KIAA1217: variants seen among roughly 807,000 people sequenced by gnomAD.
KIAA1217 encodes sickle tail protein homolog.
Under a neutral mutation model 163.9 loss-of-function variants are expected in KIAA1217, and 88 were observed. The observed-to-expected ratio is 0.54, with a 90% CI of 0.45 to 0.64. The LOEUF (loss-of-function observed/expected upper bound fraction) is 0.64, where lower values mean the gene tolerates loss of function less well. Ranked by LOEUF, KIAA1217 falls within the 30% of genes least tolerant of loss-of-function variation. The probability of loss-of-function intolerance (pLI) is 0.00; values close to 1 mark genes in which losing one functional copy is unlikely to be tolerated. For synonymous variants in KIAA1217, 903 were observed against 923.1 expected, an observed-to-expected ratio of 0.98 and a Z score of 0.39; for missense variants, 2,372 against 2,475.0, an observed-to-expected ratio of 0.96 and a Z score of 0.88.
chr10:23,860,279 T>C (rs1839891816), intron 1 of KIAA1217, among the ~76,000 whole-genome samples: 1 of 152,040 alleles, frequency 6.6e-6, no homozygotes. Flanking sequence ...CTGACCTTAA[T>C]GGCAAAATCT....
intron 2 of KIAA1217, among the ~76,000 whole-genome samples, chr10:24,294,153 A>G (rs376745872): frequency 8.1e-6 from 1 of 123,678 alleles, no homozygotes. Context: ...GCGCCACTGC[A>G]CTCCAGCCTG....
At chr10:24,309,543 G>A (rs547340740) in intron 2 of KIAA1217, among the ~76,000 whole-genome samples, 5 of 151,994 alleles carry the variant, frequency 3.3e-5, no homozygotes, top group African/African-American at 9.7e-5. Flanking sequence ...AACCCTCTGC[G>A]TCATACCCTT....
intron 2 of KIAA1217, among the ~76,000 whole-genome samples, chr10:24,074,703 C>CTTTTTT (rs35168053): frequency 3.0e-5 from 3 of 99,480 alleles, no homozygotes; most frequent in Admixed American, 1.1e-4. Flanking sequence ...TCTTCTTCTT[C>CTTTTTT]TTTTTTTTTT....
chr10:24,387,540 G>T (rs74482058), intron 3 of KIAA1217, among the ~76,000 whole-genome samples: 2,397 of 152,282 alleles, frequency 0.016, 41 homozygotes, highest in Non-Finnish European at 0.025. Context: ...CATAGTGTTG[G>T]AAGTTCTGGC....
rs529639146 is a variant in KIAA1217, at chr10:24,425,769, A to G, written c.554-7226A>G. On this transcript the variant is annotated intron_variant, in intron 3 of 20. Transcript: ENST00000376454. ...AAGTTGAATTAGTGCTTCAAACCAC[A>G]TGTGTACTTTGGGGGCTTTTGATAC... Among the ~76,000 whole-genome samples the G allele has an allele frequency of 5.3e-4, 80 of 152,310 alleles. 3 individuals are homozygous for G. The South Asian group carries it at 0.016, about 30-fold the overall frequency.
At chr10:24,354,937 T>G (rs2014306) in intron 2 of KIAA1217, among the ~76,000 whole-genome samples, 58,728 of 152,140 alleles carry the variant, frequency 0.39, 12,211 homozygotes, top group Middle Eastern at 0.46. Flanking sequence ...CACCCTCTTC[T>G]ACCCAGTATT....
intron 1 of KIAA1217, among the ~76,000 whole-genome samples, chr10:23,761,632 T>C (rs562604142): frequency 6.6e-6 from 1 of 152,322 alleles, no homozygotes; most frequent in East Asian, 1.9e-4. Context: ...TTTGTTATGA[T>C]TTCACTTCTT....
intron 3 of KIAA1217, among the ~76,000 whole-genome samples, chr10:24,392,602 G>A (rs2055131329): frequency 6.6e-6 from 1 of 152,178 alleles, no homozygotes; most frequent in South Asian, 2.1e-4. Context: ...CATTGTTGAA[G>A]ACTTGAATGG....
At chr10:23,876,279 TG>T (rs1840689962) in intron 1 of KIAA1217, among the ~76,000 whole-genome samples, 1 of 151,656 alleles carries the variant, frequency 6.6e-6, no homozygotes, top group Non-Finnish European at 1.5e-5. Flanking sequence ...AGCACAACAC[TG>T]GGTACTCATA....
At chr10:24,454,321 G>A (rs2061607908) in intron 5 of KIAA1217, among the ~76,000 whole-genome samples, 1 of 152,262 alleles carries the variant, frequency 6.6e-6, no homozygotes, top group South Asian at 2.1e-4. Context: ...CCATATTCCT[G>A]AAACAGAAAA....
At chr10:24,007,177 C>G (rs1410510561) in intron 1 of KIAA1217, 3 of 149,600 alleles carry the variant, frequency 2.0e-5, no homozygotes. Flanking sequence ...TTTAATTACT[C>G]AGCAGTTCTG....
chr10:24,390,475 GGGAAGGAAGGAAGGAA>G (rs71397945), intron 3 of KIAA1217, among the ~76,000 whole-genome samples: 25 of 107,202 alleles, frequency 2.3e-4, no homozygotes, highest in South Asian at 7.2e-4. Context: ...GAGGGAGGGA[GGGAAGGAAGGAAGGAA>G]GGAAGGAAGG....
At chr10:24,392,457 G>C (rs2055112907) in intron 3 of KIAA1217, among the ~76,000 whole-genome samples, 2 of 152,118 alleles carry the variant, frequency 1.3e-5, no homozygotes, top group African/African-American at 4.8e-5. Context: ...GATTTCCAGG[G>C]ATCTAATTTA....
At position 24,108,934 on chromosome 10, in the gene KIAA1217, C is replaced by T. The variant is rs1310805107; in HGVS notation, c.-171+101560C>T. 3.9e-5 allele frequency among the ~76,000 whole-genome samples: 6 copies of T among 152,112 alleles called. No individual in the cohort carries two copies. In the East Asian group the frequency reaches 5.8e-4, roughly 15 times the overall value. ...GCAACCTCCGCCTCCCAGGATCAAGCGATTCTTCTGCCTCAGCCTCCCAAG... is the reference window on the plus strand; with the variant it reads ...GCAACCTCCGCCTCCCAGGATCAAGTGATTCTTCTGCCTCAGCCTCCCAAG... On this transcript the variant is annotated intron_variant, in intron 2 of 18. Coordinates refer to the KIAA1217 transcript ENST00000376462.
intron 2 of KIAA1217, among the ~76,000 whole-genome samples, chr10:24,113,783 T>G (rs1283183422): frequency 6.6e-6 from 1 of 152,226 alleles, no homozygotes; most frequent in Admixed American, 6.5e-5. Context: ...TCCCGGCTTT[T>G]GGGAACACAT....
chr10:24,517,111 G>T (rs766854948), intron 10 of KIAA1217, among the ~76,000 whole-genome samples: 1 of 151,738 alleles, frequency 6.6e-6, no homozygotes, highest in Admixed American at 6.6e-5. Flanking sequence ...TGAGCCTGGC[G>T]GGTCAAGGCT....
At chr10:24,505,899 G>C (rs922113053) in intron 9 of KIAA1217, among the ~76,000 whole-genome samples, 1 of 152,018 alleles carries the variant, frequency 6.6e-6, no homozygotes, top group African/African-American at 2.4e-5. Flanking sequence ...GTGGAAATGT[G>C]CCAGGGTCTC....
At chr10:24,201,924 AC>A (rs71506826) in intron 2 of KIAA1217, among the ~76,000 whole-genome samples, 1,760 of 98,420 alleles carry the variant, frequency 0.018, 31 homozygotes, top group Non-Finnish European at 0.021. Context: ...CCTCCTGATC[AC>A]CCCTGATCCT....
At chr10:23,854,582 T>C (rs1839545207) in intron 1 of KIAA1217, among the ~76,000 whole-genome samples, 2 of 152,186 alleles carry the variant, frequency 1.3e-5, no homozygotes, top group South Asian at 4.1e-4. Flanking sequence ...TAACTTTCTG[T>C]CTCGTTGATC....
Sources: allele counts gnomAD v4.1 joint callset (sites outside exome capture counted in the v4.1 genomes callset), GRCh38; gene constraint gnomAD v4.1.1; transcripts MANE v1.5; gene names NCBI Gene and HGNC (gene_info 2026-07-23, HGNC 2026-07-21).